The following SMPD3 variants were observed in gnomAD, a reference collection of about 807,000 sequenced individuals.
SMPD3 encodes nSMase-2.
In SMPD3, 21 loss-of-function variants were observed where a neutral mutation model predicts 55.7. The ratio of observed to expected loss-of-function variants is 0.38; its 90% CI spans 0.27 to 0.54. The LOEUF is 0.54. Ranked by LOEUF, SMPD3 falls within the 20% of genes least tolerant of loss-of-function variation. SMPD3 has a pLI of 0.80. For missense variants in SMPD3, 842 were observed against 899.6 expected (o/e 0.94, Z 0.82); for synonymous variants, 457 against 404.3 (o/e 1.13, Z -1.56).
intron 1 of SMPD3, among the ~76,000 whole-genome samples, chr16:68,413,016 T>C (rs927763723): frequency 6.6e-6 from 1 of 152,258 alleles, no homozygotes; most frequent in East Asian, 1.9e-4. Context: ...CTTAGAGAGC[T>C]GAAGTGATGT....
chr16:68,364,625 T>C, intron 5 of SMPD3, 126 bp downstream of exon 5: 1 of 1,096,710 alleles, frequency 9.1e-7, no homozygotes, highest in Non-Finnish European at 1.3e-6. Flanking sequence ...TCTTGCTAAA[T>C]ACCCCGCCCA....
intron 5 of SMPD3, 68 bp downstream of exon 5, chr16:68,364,683 T>C: frequency 6.5e-7 from 1 of 1,532,934 alleles, no homozygotes; most frequent in South Asian, 1.2e-5. Context: ...ACGAAGTCTG[T>C]CTAGCTGTGA....
At chr16:68,443,690 T>G (rs2090585634) in intron 1 of SMPD3, among the ~76,000 whole-genome samples, 1 of 152,208 alleles carries the variant, frequency 6.6e-6, no homozygotes, top group African/African-American at 2.4e-5. Flanking sequence ...AGATATAAAG[T>G]AGGTGGCACT....
At position 68,419,354 on chromosome 16, in the gene SMPD3, G is replaced by C. The variant is rs17771218; in HGVS notation, c.-269+28999C>G. Among the ~76,000 whole-genome samples, 699 of 152,354 alleles carry C rather than the reference G, an allele frequency of 4.6e-3. 32 individuals are homozygous for C. In the East Asian group the frequency reaches 0.1, roughly 22 times the overall value. ...TAACAAGACTGAGGATTTTGTGTCAGGTCTCTGGAACCTTCCTTTGGGGGA... is the reference window on the plus strand; with the variant it reads ...TAACAAGACTGAGGATTTTGTGTCACGTCTCTGGAACCTTCCTTTGGGGGA... On this transcript the variant is annotated intron_variant, in intron 1 of 8. Coordinates refer to ENST00000219334, the MANE Select transcript of SMPD3 (RefSeq NM_018667.4).
intron 1 of SMPD3, among the ~76,000 whole-genome samples, chr16:68,413,711 C>T (rs1010610533): frequency 3.9e-5 from 6 of 152,226 alleles, no homozygotes; most frequent in Non-Finnish European, 7.3e-5. Context: ...ATAATCCCCT[C>T]TCCACTCTCC....
chr16:68,445,589 A>T (rs1244254863), intron 1 of SMPD3, among the ~76,000 whole-genome samples: 1 of 152,232 alleles, frequency 6.6e-6, no homozygotes, highest in African/African-American at 2.4e-5. Context: ...CTGAGCCTCT[A>T]CACCATGGGG....
chr16:68,396,218 G>A (rs1227130768), intron 1 of SMPD3, among the ~76,000 whole-genome samples: 1 of 152,158 alleles, frequency 6.6e-6, no homozygotes, highest in Non-Finnish European at 1.5e-5. Context: ...TTGGGCTGAA[G>A]CCTGTGATCC....
At chr16:68,423,671 T>C (rs1245437642) in intron 1 of SMPD3, among the ~76,000 whole-genome samples, 1 of 152,180 alleles carries the variant, frequency 6.6e-6, no homozygotes, top group African/African-American at 2.4e-5. Flanking sequence ...GTTGAGTCTT[T>C]TTCTTCCTAC....
chr16:68,361,429 G>T, intron 8 of SMPD3, 122 bp from the exon 9 acceptor site: 1 of 1,368,198 alleles, frequency 7.3e-7, no homozygotes. Context: ...CCTTCCTGCA[G>T]TCAGAGGGAT....
chr16:68,370,825 C>G lies in SMPD3; in HGVS notation c.1323+34G>C, dbSNP rs145321835. On this transcript the variant is annotated intron_variant, in intron 3 of 8. Coordinates refer to ENST00000219334, the MANE Select transcript of SMPD3 (RefSeq NM_018667.4). The stretch of plus-strand genomic sequence containing the variant: ...CCTACATGGCTCTAGGACCAGCTGG[C>G]ACGTGGTCCTCAGGCTGGGCCGAGG... 3.6e-4 allele frequency: 576 copies of G among 1,609,328 alleles called. 5 individuals carry two copies. In the African/African-American group the frequency reaches 6.6e-3, roughly 18 times the overall value.
chr16:68,399,373 C>T (rs907223205), intron 1 of SMPD3, among the ~76,000 whole-genome samples: 2 of 152,176 alleles, frequency 1.3e-5, no homozygotes, highest in East Asian at 1.9e-4. Flanking sequence ...GTCTGGTGCC[C>T]CATAGCATGT....
At chr16:68,402,036 C>T (rs539642526) in intron 1 of SMPD3, among the ~76,000 whole-genome samples, 2 of 152,258 alleles carry the variant, frequency 1.3e-5, no homozygotes, top group Admixed American at 6.5e-5. Context: ...GCAGGACCTC[C>T]CTGCAAGCTC....
intron 1 of SMPD3, among the ~76,000 whole-genome samples, chr16:68,427,757 G>GC (rs919884956): frequency 6.6e-6 from 1 of 151,832 alleles, no homozygotes; most frequent in Admixed American, 6.6e-5. Flanking sequence ...ATGACTGGGG[G>GC]GGGGTGCTGA....
At chr16:68,374,015 C>T (rs902029627) in intron 2 of SMPD3, among the ~76,000 whole-genome samples, 5 of 152,228 alleles carry the variant, frequency 3.3e-5, no homozygotes, top group African/African-American at 4.8e-5. Context: ...CTCTCATCCC[C>T]GCCACGTGTG....
Position 68,365,066 on chromosome 16 carries a change from G to C in SMPD3, c.1350C>G (p.Asp450Glu). 6.2e-7 allele frequency: 1 copy of C among 1,614,068 alleles called. No homozygotes were observed. Among genetic ancestry groups the C allele is most frequent in the Admixed American group, 1.7e-5 (1 of 60,012 alleles). ...AGGCGATGTACCCGACGATTCTTTG[G>C]TCCTGAGGTGTGCTTCCCACCTGCA... The part of the protein sequence containing the change: ...LKVQVGSTPQ[D>E]QRIVGYIACT... The change falls in exon 4 of 9, where the codon GAC (aspartate) becomes GAG (glutamate). Residue 450 changes from aspartate (D) to glutamate (E), a missense_variant. Physicochemically the swap from Asp to Glu is conservative, Grantham distance 45. This residue lies in a region of SMPD3 where 649 missense variants were observed against 643.6 expected (regional missense o/e 1.01). Transcript: ENST00000219334.
intron 6 of SMPD3, 95 bp from the exon 7 acceptor site, chr16:68,363,654 G>T: frequency 1.4e-6 from 2 of 1,449,690 alleles, no homozygotes; most frequent in Non-Finnish European, 1.9e-6. Flanking sequence ...GCTTCTGCTA[G>T]CCAGGGGCAG....
chr16:68,378,344 G>T (rs1197879826), intron 2 of SMPD3, among the ~76,000 whole-genome samples: 3 of 152,194 alleles, frequency 2.0e-5, no homozygotes, highest in Non-Finnish European at 4.4e-5. Context: ...TGGGAGGACA[G>T]AAAGACAGAA....
chr16:68,441,233 C>T (rs1035114487), intron 1 of SMPD3, among the ~76,000 whole-genome samples: 2 of 152,158 alleles, frequency 1.3e-5, no homozygotes, highest in Admixed American at 6.5e-5. Context: ...TTTATTATCA[C>T]CTCATTCTGC....
chr16:68,445,135 T>G (rs933646294), intron 1 of SMPD3, among the ~76,000 whole-genome samples: 1 of 152,226 alleles, frequency 6.6e-6, no homozygotes, highest in African/African-American at 2.4e-5. Flanking sequence ...GCTTTTTGCA[T>G]TTGGTAATAG....
Sources: gnomAD v4.1 joint callset for allele counts (sites outside exome capture counted in the v4.1 genomes callset) on GRCh38, gnomAD v4.1.1 for gene constraint, gnomAD v4.1.1 regional missense constraint, MANE v1.5 for transcripts, NCBI Gene and HGNC (gene_info 2026-07-23, HGNC 2026-07-21) for gene names.